The following DUOX2 variants were observed in gnomAD, a reference collection of about 807,000 sequenced individuals.
The protein encoded by DUOX2 is NADH/NADPH thyroid oxidase p138-tox.
Under a neutral mutation model 183.3 loss-of-function variants are expected in DUOX2, and 185 were observed. The ratio of observed to expected loss-of-function variants is 1.01; its 90% CI spans 0.90 to 1.14. The LOEUF (loss-of-function observed/expected upper bound fraction) is 1.14. Among genes scored for constraint, DUOX2 ranks in the 50% most tolerant of loss-of-function variants. DUOX2 has a pLI of 0.00. For synonymous variants in DUOX2, 788 were observed against 812.4 expected (o/e 0.97, Z 0.51); for missense variants, 1,999 against 2,022.9 (o/e 0.99, Z 0.23).
chr15:45,106,752 G>T, intron 15 of DUOX2, 80 bp downstream of exon 15: 2 of 1,605,302 alleles, frequency 1.2e-6, no homozygotes, highest in South Asian at 1.1e-5. Flanking sequence ...GGTCTCAAAC[G>T]GTACCAAATA....
At position 45,108,105 on chromosome 15, in the gene DUOX2, C is replaced by T. The variant is rs200134167; in HGVS notation, c.1516G>A (p.Asp506Asn). The change falls in exon 13 of 34, where the codon GAC (aspartate) becomes AAC (asparagine). Residue 506 changes from aspartate (D) to asparagine (N), a missense_variant. By Grantham distance (23) the Asp-to-Asn change is conservative (BLOSUM62 1). This residue lies in a region of DUOX2 where 1,628 missense variants were observed against 1,608.6 expected (regional missense o/e 1.01). Coordinates refer to ENST00000389039, the MANE Select transcript of DUOX2 (RefSeq NM_001363711.2). Reference sequence around the variant, plus strand: ...CCATCCCGCAGCCGTACAAACTGGTCGAGGACAATGGCACTGAACAGGGGT... The same window carrying T: ...CCATCCCGCAGCCGTACAAACTGGTTGAGGACAATGGCACTGAACAGGGGT... ...PGPLFSAIVL[D>N]QFVRLRDGDR... The T allele has an allele frequency of 2.6e-4, 423 of 1,613,910 alleles. No individual in the cohort carries two copies. Among genetic ancestry groups the T allele is most frequent in the Non-Finnish European group, 3.2e-4 (377 of 1,180,008 alleles).
At chr15:45,112,011 GGC>G (rs1894440487) in intron 4 of DUOX2, 56 bp from the exon 5 acceptor site, 5 of 1,587,024 alleles carry the variant, frequency 3.2e-6, no homozygotes, top group Admixed American at 3.6e-5. Context: ...CCCTCCCCAC[GGC>G]CAGGGCGGCC....
Position 45,106,343 on chromosome 15 carries a change from T to G in DUOX2, c.1946-16A>C, listed in dbSNP as rs775654474. 1.2e-6 allele frequency: 2 copies of G among 1,613,610 alleles called. No individual in the cohort carries two copies. The highest frequency in any genetic ancestry group is 2.2e-5 in the South Asian group (2 of 91,084). The stretch of plus-strand genomic sequence containing the variant: ...CACTCCATCGCTGGGGAAGGGATAA[T>G]TGGGCCGGGTAGTTCAGCAGATGTC... On this transcript the variant is annotated splice_polypyrimidine_tract_variant and intron_variant, in intron 16 of 33. Coordinates refer to ENST00000389039, the MANE Select transcript of DUOX2 (RefSeq NM_001363711.2).
rs1228044106 is a variant in DUOX2, at chr15:45,107,401, G to A, written c.1637C>T (p.Ala546Val). 6.2e-7 allele frequency: 1 copy of A among 1,614,126 alleles called. No individual in the cohort carries two copies. Among genetic ancestry groups the A allele is most frequent in the South Asian group, 1.1e-5 (1 of 91,094 alleles). ...RNTTLRDVLV[A>V]VINIDPSALQ... is the part of the protein sequence containing the mutation. Reference sequence around the variant, plus strand: ...GGCACTGGGGTCAATGTTGATAACAGCGACCAGCACGTCCCGCAGGGTGGT... The same window carrying A: ...GGCACTGGGGTCAATGTTGATAACAACGACCAGCACGTCCCGCAGGGTGGT... The change falls in exon 14 of 34, where the codon GCT becomes GTT. Residue 546 changes from alanine (A) to valine (V), a missense_variant. Physicochemically the swap from Ala to Val is moderately conservative, Grantham distance 64 (BLOSUM62 0). Coordinates refer to ENST00000389039, the MANE Select transcript of DUOX2 (RefSeq NM_001363711.2).
At chr15:45,094,776 A>G in intron 32 of DUOX2, 85 bp from the exon 33 acceptor site, 1 of 1,601,526 alleles carries the variant, frequency 6.2e-7, no homozygotes, top group Non-Finnish European at 8.5e-7. Context: ...AGAGACAGAG[A>G]ATGGGGAGGG....
chr15:45,105,005 G>T (rs141433708), intron 18 of DUOX2, among the ~76,000 whole-genome samples: 4 of 152,168 alleles, frequency 2.6e-5, no homozygotes, highest in African/African-American at 9.6e-5. Flanking sequence ...ATTTTTAGTA[G>T]AGATGGGGTT....
chr15:45,108,619 G>C (rs978083412), intron 12 of DUOX2, 170 bp downstream of exon 12: 1 of 765,148 alleles, frequency 1.3e-6, no homozygotes, highest in Non-Finnish European at 2.1e-6. Context: ...CTGAATTTAA[G>C]TCCCTCCTCT....
At chr15:45,108,421 G>A (rs527612664) in intron 12 of DUOX2, 199 bp from the exon 13 acceptor site, 220 of 642,458 alleles carry the variant, frequency 3.4e-4, no homozygotes, top group Admixed American at 5.8e-4. Flanking sequence ...TAACACCACG[G>A]TCAGGTGCCC....
In DUOX2 at chr15:45,103,945, A is replaced by C. The variant is rs756292844; in HGVS notation, c.2654+15T>G. Reference sequence around the variant, plus strand: ...ACACCAGGAAGTCTCAGGATTAGAAAGGCACACCCCATACCGCATCATGGT... The same window carrying C: ...ACACCAGGAAGTCTCAGGATTAGAACGGCACACCCCATACCGCATCATGGT... On this transcript the variant is annotated intron_variant, in intron 20 of 33. Coordinates refer to ENST00000389039, the MANE Select transcript of DUOX2 (RefSeq NM_001363711.2). The C allele has an allele frequency of 1.9e-6, 3 of 1,613,962 alleles. No homozygotes were observed. The highest frequency in any genetic ancestry group is 2.5e-6 in the Non-Finnish European group (3 of 1,179,880).
Position 45,099,819 on chromosome 15 carries a change from C to T in DUOX2, c.3258G>A (p.Thr1086=), listed in dbSNP as rs376833157. 21 of 1,614,062 alleles carry T rather than the reference C, an allele frequency of 1.3e-5. No individual in the cohort carries two copies. In the Admixed American group the frequency reaches 1.3e-4, roughly 10 times the overall value. Residue 1086 remains threonine (T), a synonymous_variant, in exon 25 of 34, where the codon ACG becomes ACA. Coordinates refer to ENST00000389039, the MANE Select transcript of DUOX2 (RefSeq NM_001363711.2). The part of the protein sequence containing the change: ...TLVGIILSRG[T]AASVSFMFSY... The stretch of plus-strand genomic sequence containing the variant: ...AGAACATGAAGGAGACGCTGGCCGC[C>T]GTGCCTCGTGACAGGATGATGCCCA...
At position 45,095,465 on chromosome 15, in the gene DUOX2, G is replaced by A. The variant is rs1267696091; in HGVS notation, c.4211C>T (p.Ser1404Phe). Reference protein sequence around the residue: ...SILKDLVFKSSLGSQMLCKKI... With the variant: ...SILKDLVFKSFLGSQMLCKKI... ...CTTACACAGCATTTGGCTGCCCAAGGATGACTTGAAGACCAGGTCTTTGAG... is the reference window on the plus strand; with the variant it reads ...CTTACACAGCATTTGGCTGCCCAAGAATGACTTGAAGACCAGGTCTTTGAG... Residue 1404 changes from serine (S) to phenylalanine (F), a missense_variant, in exon 31 of 34, where the codon TCC becomes TTC. Ser to Phe is a radical substitution (Grantham distance 155, BLOSUM62 -2). Transcript: ENST00000389039. The A allele has an allele frequency of 3.7e-6, 6 of 1,614,134 alleles. No homozygotes were observed. Among genetic ancestry groups the A allele is most frequent in the Non-Finnish European group, 5.1e-6 (6 of 1,180,062 alleles).
At position 45,094,216 on chromosome 15, in the gene DUOX2, C is replaced by A. The variant is rs771982009; in HGVS notation, c.4581G>T (p.Glu1527Asp). The A allele has an allele frequency of 3.7e-6, 6 of 1,614,026 alleles. No individual in the cohort carries two copies. The African/African-American group carries it at 8.0e-5, about 22-fold the overall frequency. The change falls in exon 34 of 34, where the codon GAG becomes GAT. Residue 1527 changes from glutamate to aspartate, a missense_variant. By Grantham distance (45) the Glu-to-Asp change is conservative. Transcript: ENST00000389039. ...GCCTGTTGACGAGCTGACAGGCCTT[C>A]TCTACATTCTTGGTCATTCCTGGAG... ...CGPPGMTKNV[E>D]KACQLVNRQD...
chr15:45,107,194 C>T, intron 14 of DUOX2, 151 bp downstream of exon 14: 1 of 1,213,426 alleles, frequency 8.2e-7, no homozygotes, highest in African/African-American at 1.5e-5. Flanking sequence ...TAGTTGAGGT[C>T]CCTGCTGTGG....
rs200238968 is a variant in DUOX2, at chr15:45,101,859, G to T, written c.2785C>A (p.Arg929=). 2 of 1,614,176 alleles carry T rather than the reference G, an allele frequency of 1.2e-6. No individual in the cohort carries two copies. The highest frequency in any genetic ancestry group is 1.1e-5 in the South Asian group (1 of 91,082). Residue 929 remains arginine (R), a synonymous_variant, in exon 21 of 34, where the codon CGG becomes AGG. Transcript: ENST00000389039. ...AAGCGGAGCTCGCTGTCATGGTCCCGCAGCATGAAGTGAAAATCCTCCCAT... is the reference window on the plus strand; with the variant it reads ...AAGCGGAGCTCGCTGTCATGGTCCCTCAGCATGAAGTGAAAATCCTCCCAT... ...LTWEDFHFML[R]DHDSELRFTQ...
At chr15:45,108,290 C>T in intron 12 of DUOX2, 68 bp from the exon 13 acceptor site, 1 of 1,571,970 alleles carries the variant, frequency 6.4e-7, no homozygotes, top group Non-Finnish European at 8.7e-7. Flanking sequence ...GTTGCCCCAT[C>T]CCTCGGGCAC....
At chr15:45,112,919 T>C in intron 3 of DUOX2, 68 bp downstream of exon 3, 1 of 1,583,442 alleles carries the variant, frequency 6.3e-7, no homozygotes, top group Non-Finnish European at 8.7e-7. Flanking sequence ...GATTCCCCGC[T>C]CAGGGCCTTT....
In DUOX2 at chr15:45,109,504, C is replaced by G. The variant is rs760053952; in HGVS notation, c.1234+20G>C. The stretch of plus-strand genomic sequence containing the variant: ...GCTTCCTGGTCCCTTACCATCCACC[C>G]CTTCTGGCTCTGAGCTCACCCCTCA... On this transcript the variant is annotated intron_variant, in intron 11 of 33. Transcript: ENST00000389039. 2.5e-6 allele frequency: 4 copies of G among 1,612,136 alleles called. No individual in the cohort carries two copies. The highest frequency in any genetic ancestry group is 2.5e-6 in the Non-Finnish European group (3 of 1,178,388).
chr15:45,108,997 C>A (rs770942009), intron 11 of DUOX2, 45 bp from the exon 12 acceptor site: 13 of 1,610,754 alleles, frequency 8.1e-6, no homozygotes, highest in Non-Finnish European at 1.1e-5. Context: ...TCCTCTCCAT[C>A]CTTTTTTGCC....
chr15:45,108,933 G>A lies in DUOX2; in HGVS notation c.1254C>T (p.Gly418=). 6.2e-7 allele frequency: 1 copy of A among 1,614,226 alleles called. No individual in the cohort carries two copies. Among genetic ancestry groups the A allele is most frequent in the Non-Finnish European group, 8.5e-7 (1 of 1,180,038 alleles). The change falls in exon 12 of 34, where the codon GGC becomes GGT. Residue 418 remains glycine, a synonymous_variant. Coordinates refer to ENST00000389039, the MANE Select transcript of DUOX2 (RefSeq NM_001363711.2). ...CCACATAGTCTGTACGGGAGAATTT[G>A]CCAGGGCCAGGCCAGTAATCTGAAG... ...EDLRDYWPGP[G]KFSRTDYVAS... is the part of the protein sequence containing the mutation.
Sources: allele counts gnomAD v4.1 joint callset (sites outside exome capture counted in the v4.1 genomes callset), GRCh38; gene constraint gnomAD v4.1.1; regional missense constraint gnomAD v4.1.1; transcripts MANE v1.5; gene names NCBI Gene and HGNC (gene_info 2026-07-23, HGNC 2026-07-21).